Variants in IMMP2L observed in about 807,000 individuals in gnomAD.
IMMP2L encodes mitochondrial inner membrane protease subunit 2.
In IMMP2L, 18 loss-of-function variants were observed where a neutral mutation model predicts 19.3. The observed-to-expected ratio is 0.93, with a 90% CI of 0.64 to 1.38. IMMP2L has a LOEUF of 1.38. Among genes scored for constraint, IMMP2L ranks in the 40% most tolerant of loss-of-function variants. IMMP2L has a pLI of 0.00. For synonymous variants in IMMP2L, 76 were observed against 73.0 expected (o/e 1.04, Z -0.21); for missense variants, 233 against 218.2 (o/e 1.07, Z -0.43).
intron 3 of IMMP2L, among the ~76,000 whole-genome samples, chr7:111,375,591 A>T (rs115507062): frequency 0.021 from 3,264 of 151,870 alleles, 123 homozygotes; most frequent in African/African-American, 0.075. Flanking sequence ...AGTGGTGCCA[A>T]CTCAGCTCAC....
chr7:111,330,511 A>G (rs954887486), intron 3 of IMMP2L, among the ~76,000 whole-genome samples: 3 of 149,346 alleles, frequency 2.0e-5, no homozygotes, highest in South Asian at 2.1e-4. Context: ...GGGTGGGGGG[A>G]AAAAAAAAAC....
At chr7:111,443,121 T>G (rs561904645) in intron 3 of IMMP2L, among the ~76,000 whole-genome samples, 7 of 152,014 alleles carry the variant, frequency 4.6e-5, no homozygotes, top group Admixed American at 2.6e-4. Flanking sequence ...ATAGGTTGAT[T>G]TTATGTTTTT....
intron 5 of IMMP2L, among the ~76,000 whole-genome samples, chr7:110,762,668 T>C (rs998112188): frequency 4.6e-5 from 7 of 152,164 alleles, no homozygotes; most frequent in Admixed American, 1.3e-4. Flanking sequence ...CTGCTAGGAA[T>C]GGACTAGTGA....
chr7:110,939,774 A>G (rs1330125459), intron 4 of IMMP2L, among the ~76,000 whole-genome samples: 2 of 152,242 alleles, frequency 1.3e-5, no homozygotes, highest in African/African-American at 4.8e-5. Flanking sequence ...CATCAACAAT[A>G]GAACATAGCA....
At chr7:110,768,514 C>G (rs1424715968) in intron 5 of IMMP2L, among the ~76,000 whole-genome samples, 1 of 152,024 alleles carries the variant, frequency 6.6e-6, no homozygotes, top group Admixed American at 6.6e-5. Flanking sequence ...TTCTTCACTT[C>G]CCACTCTCTC....
intron 5 of IMMP2L, among the ~76,000 whole-genome samples, chr7:110,718,617 T>G (rs759601851): frequency 2.0e-5 from 3 of 152,034 alleles, no homozygotes; most frequent in Non-Finnish European, 2.9e-5. Flanking sequence ...TGGGAGGAGG[T>G]TGGCAATCGT....
intron 1 of IMMP2L, among the ~76,000 whole-genome samples, chr7:111,539,260 AAGAAAGAAAG>A (rs1455775378): frequency 2.1e-5 from 3 of 144,418 alleles, no homozygotes; most frequent in African/African-American, 7.7e-5. Context: ...GAAAGAAAGA[AAGAAAGAAAG>A]AGAACATACG....
At chr7:111,114,738 C>CAAA (rs567078227) in intron 3 of IMMP2L, among the ~76,000 whole-genome samples, 1 of 62,604 alleles carries the variant, frequency 1.6e-5, no homozygotes, top group African/African-American at 4.7e-5. Flanking sequence ...GACTCCATCT[C>CAAA]AAAAAAAAAA....
chr7:111,119,616 A>C (rs1042604368), intron 3 of IMMP2L, among the ~76,000 whole-genome samples: 1 of 152,240 alleles, frequency 6.6e-6, no homozygotes, highest in Non-Finnish European at 1.5e-5. Context: ...ACATTAAAAC[A>C]GATTTACTGA....
chr7:110,978,445 C>T (rs1820922133), intron 3 of IMMP2L, among the ~76,000 whole-genome samples: 1 of 151,834 alleles, frequency 6.6e-6, no homozygotes, highest in African/African-American at 2.4e-5. Context: ...GGAATCTATC[C>T]ATCTATTAAT....
chr7:111,161,537 T>C (rs1316822515), intron 3 of IMMP2L, among the ~76,000 whole-genome samples: 4 of 151,932 alleles, frequency 2.6e-5, no homozygotes, highest in African/African-American at 9.7e-5. Flanking sequence ...TACTCAGTTA[T>C]GGTTAAAAAA....
intron 5 of IMMP2L, among the ~76,000 whole-genome samples, chr7:110,817,700 T>C (rs1375891244): frequency 6.6e-6 from 1 of 152,104 alleles, no homozygotes; most frequent in Admixed American, 6.6e-5. Flanking sequence ...TCATGCTACC[T>C]GACTTCAAAC....
chr7:110,700,506 C>G (rs1006688500), intron 5 of IMMP2L, among the ~76,000 whole-genome samples: 2 of 152,200 alleles, frequency 1.3e-5, no homozygotes, highest in Admixed American at 6.5e-5. Context: ...GGCACAAATA[C>G]TGTTTGACCA....
chr7:111,046,480 C>T (rs551486478), intron 3 of IMMP2L, among the ~76,000 whole-genome samples: 1 of 152,102 alleles, frequency 6.6e-6, no homozygotes, highest in African/African-American at 2.4e-5. Flanking sequence ...GAAAAGTATA[C>T]ACTGAAAGTC....
chr7:111,084,932 T>C (rs1796187028), intron 3 of IMMP2L, among the ~76,000 whole-genome samples: 3 of 152,308 alleles, frequency 2.0e-5, no homozygotes, highest in East Asian at 1.9e-4. Context: ...TATTATAGTA[T>C]GAGTAACAAG....
At chr7:110,679,393 C>T (rs1052227207) in intron 5 of IMMP2L, among the ~76,000 whole-genome samples, 18 of 152,074 alleles carry the variant, frequency 1.2e-4, no homozygotes, top group Admixed American at 8.5e-4. Context: ...CATTACCAAC[C>T]GATGTCTCAT....
intron 3 of IMMP2L, among the ~76,000 whole-genome samples, chr7:111,360,545 C>T (rs931115157): frequency 5.3e-5 from 8 of 152,150 alleles, no homozygotes; most frequent in Non-Finnish European, 1.2e-4. Flanking sequence ...GCCTGGGGCA[C>T]AGTGGCTCTT....
intron 5 of IMMP2L, among the ~76,000 whole-genome samples, chr7:110,725,149 C>T (rs574735614): frequency 1.3e-5 from 2 of 152,248 alleles, no homozygotes; most frequent in Admixed American, 1.3e-4. Context: ...TTCACCTTAT[C>T]ACTGACACCA....
chr7:111,378,200 C>A lies in IMMP2L; in HGVS notation c.239+109038G>T, dbSNP rs547824476. The stretch of plus-strand genomic sequence containing the variant: ...ATATGTCAGGATGTAAGCAAAATTG[C>A]ATGATAATCATCTTATACCAGTTGA... On this transcript the variant is annotated intron_variant, in intron 3 of 5. Transcript: ENST00000405709. 5.6e-4 allele frequency among the ~76,000 whole-genome samples: 85 copies of A among 151,912 alleles called. 1 individual carries two copies. Among genetic ancestry groups the A allele is most frequent in the African/African-American group, 2.0e-3 (82 of 41,492 alleles).
Sources: gnomAD v4.1 joint callset for allele counts (sites outside exome capture counted in the v4.1 genomes callset) on GRCh38, gnomAD v4.1.1 for gene constraint, MANE v1.5 for transcripts, NCBI Gene and HGNC (gene_info 2026-07-23, HGNC 2026-07-21) for gene names.